DOCK2: variants seen among roughly 807,000 people sequenced by gnomAD.
The protein encoded by DOCK2 is dedicator of cytokinesis 2.
In DOCK2, 87 loss-of-function variants were observed where a neutral mutation model predicts 248.9. The ratio of observed to expected loss-of-function variants is 0.35; its 90% CI spans 0.29 to 0.42. The LOEUF (loss-of-function observed/expected upper bound fraction) is 0.42. Ranked by LOEUF, DOCK2 falls within the 10% of genes least tolerant of loss-of-function variation. The pLI is 1.00. For missense variants in DOCK2, 1,747 were observed against 2,300.2 expected, an observed-to-expected ratio of 0.76 and a Z score of 4.92; for synonymous variants, 805 against 821.6, an observed-to-expected ratio of 0.98 and a Z score of 0.35.
intron 25 of DOCK2, among the ~76,000 whole-genome samples, chr5:169,781,169 A>G (rs1214970986): frequency 2.0e-5 from 3 of 152,208 alleles, no homozygotes; most frequent in Non-Finnish European, 4.4e-5. Flanking sequence ...CCTGATGCAC[A>G]TGTCTTTGGA....
chr5:169,936,980 C>T (rs567462478), intron 27 of DOCK2, among the ~76,000 whole-genome samples: 5 of 152,356 alleles, frequency 3.3e-5, no homozygotes, highest in African/African-American at 1.2e-4. Flanking sequence ...TCTCCTGCCA[C>T]TGCTTTGCAA....
chr5:169,689,576 A>C (rs1324793964), intron 9 of DOCK2, among the ~76,000 whole-genome samples: 1 of 152,220 alleles, frequency 6.6e-6, no homozygotes, highest in Non-Finnish European at 1.5e-5. Context: ...GCACACACAG[A>C]GAACATATGC....
intron 27 of DOCK2, among the ~76,000 whole-genome samples, chr5:169,868,843 G>A (rs1182166253): frequency 2.6e-5 from 4 of 152,148 alleles, no homozygotes; most frequent in Admixed American, 6.5e-5. Flanking sequence ...ACCGGGAGAT[G>A]GAACGGAAAC....
At chr5:169,944,732 C>T (rs1776377500) in intron 27 of DOCK2, among the ~76,000 whole-genome samples, 1 of 152,222 alleles carries the variant, frequency 6.6e-6, no homozygotes, top group Non-Finnish European at 1.5e-5. Flanking sequence ...CTCACCAGTG[C>T]TAGGAACCTT....
chr5:169,763,879 C>A lies in DOCK2; in HGVS notation c.2554+2254C>A, dbSNP rs1406845903. On this transcript the variant is annotated intron_variant, in intron 25 of 51. Coordinates refer to ENST00000520908, the MANE Select transcript of DOCK2 (RefSeq NM_004946.3). The surrounding 1 kb of genome is among the most constrained non-coding windows in gnomAD (Gnocchi z 4.1). ...CGGCTCACATGTGAAAGTCGTATGA[C>A]CTTATTCACAGCTGAAAGGTAACTC... 6.6e-6 allele frequency among the ~76,000 whole-genome samples: 1 copy of A among 152,204 alleles called. No individual in the cohort carries two copies. Among genetic ancestry groups the A allele is most frequent in the African/African-American group, 2.4e-5 (1 of 41,446 alleles).
chr5:169,687,818 A>G (rs1475368600), intron 8 of DOCK2, among the ~76,000 whole-genome samples: 5 of 152,202 alleles, frequency 3.3e-5, no homozygotes, highest in Admixed American at 3.3e-4. Context: ...ATGGGTTTCC[A>G]TTACTCTCAT....
chr5:169,675,176 G>A (rs1473518522), intron 6 of DOCK2, among the ~76,000 whole-genome samples: 1 of 152,220 alleles, frequency 6.6e-6, no homozygotes, highest in Non-Finnish European at 1.5e-5. Context: ...CGCGCAGCTA[G>A]TAAATGACAG....
chr5:169,892,248 C>T (rs1011665572), intron 27 of DOCK2, among the ~76,000 whole-genome samples: 1 of 152,170 alleles, frequency 6.6e-6, no homozygotes, highest in Non-Finnish European at 1.5e-5. Flanking sequence ...GACAACCCCC[C>T]TCATTATAGA....
chr5:169,678,801 A>G (rs549644927), intron 6 of DOCK2, among the ~76,000 whole-genome samples: 63 of 150,874 alleles, frequency 4.2e-4, no homozygotes, highest in African/African-American at 1.5e-3. Flanking sequence ...GTCGGAAGTC[A>G]TATACATTAG....
intron 14 of DOCK2, among the ~76,000 whole-genome samples, chr5:169,703,266 C>T (rs2113479819): frequency 6.6e-6 from 1 of 152,258 alleles, no homozygotes; most frequent in Middle Eastern, 3.4e-3. Context: ...GAAGAGGCAT[C>T]ATTTTTGTCC....
At chr5:169,954,478 C>T (rs1226254525) in intron 27 of DOCK2, among the ~76,000 whole-genome samples, 1 of 152,196 alleles carries the variant, frequency 6.6e-6, no homozygotes, top group African/African-American at 2.4e-5. Flanking sequence ...TAGATGAAGG[C>T]AGTCAGGCAG....
intron 25 of DOCK2, 138 bp from the exon 26 acceptor site, chr5:169,802,920 A>C (rs1425482500): frequency 9.0e-7 from 1 of 1,115,708 alleles, no homozygotes; most frequent in African/African-American, 1.6e-5. Context: ...ATCTTAACCT[A>C]ATCTTTAATA....
At chr5:170,046,454 TC>T (rs1229159332) in intron 39 of DOCK2, among the ~76,000 whole-genome samples, 1 of 152,050 alleles carries the variant, frequency 6.6e-6, no homozygotes, top group Non-Finnish European at 1.5e-5. Context: ...TTTGGCTGCT[TC>T]CCTCCCGCCC....
intron 27 of DOCK2, among the ~76,000 whole-genome samples, chr5:169,912,402 G>A (rs944496583): frequency 6.6e-6 from 1 of 152,106 alleles, no homozygotes; most frequent in Admixed American, 6.6e-5. Context: ...CAGGATTGTT[G>A]CTCTACTTGC....
At chr5:170,026,107 G>A (rs1048182254) in intron 33 of DOCK2, among the ~76,000 whole-genome samples, 15 of 151,922 alleles carry the variant, frequency 9.9e-5, no homozygotes, top group Non-Finnish European at 2.1e-4. Context: ...CAAGCTTTTG[G>A]TCCCTCCCTT....
chr5:169,715,608 TAAA>T (rs1181578802), intron 19 of DOCK2, among the ~76,000 whole-genome samples: 4 of 149,010 alleles, frequency 2.7e-5, no homozygotes, highest in African/African-American at 1.0e-4. Flanking sequence ...TTTTTTTTTT[TAAA>T]AAAGTTTGTT....
At chr5:169,998,659 G>A (rs551832484) in intron 30 of DOCK2, among the ~76,000 whole-genome samples, 12 of 152,132 alleles carry the variant, frequency 7.9e-5, no homozygotes, top group African/African-American at 2.7e-4. Flanking sequence ...TGGTGTCACC[G>A]AGCACATCAA....
chr5:169,994,490 G>A (rs934854346), intron 29 of DOCK2, among the ~76,000 whole-genome samples: 1 of 152,186 alleles, frequency 6.6e-6, no homozygotes, highest in Non-Finnish European at 1.5e-5. Flanking sequence ...TGGATGTAAA[G>A]TGTGCTCATA....
chr5:169,851,744 G>T (rs1227505984), intron 27 of DOCK2, among the ~76,000 whole-genome samples: 1 of 152,144 alleles, frequency 6.6e-6, no homozygotes, highest in East Asian at 1.9e-4. Context: ...GGGGAAGCAG[G>T]GAGGTTTTAC....
Sources: allele counts gnomAD v4.1 joint callset (sites outside exome capture counted in the v4.1 genomes callset), GRCh38; gene constraint gnomAD v4.1.1; non-coding constraint Gnocchi (gnomAD v3.1); transcripts MANE v1.5; gene names NCBI Gene and HGNC (gene_info 2026-07-23, HGNC 2026-07-21).